WDR37: variants seen among roughly 807,000 people sequenced by gnomAD.
The protein encoded by WDR37 is WD repeat domain 37.
In WDR37, 19 loss-of-function variants were observed where a neutral mutation model predicts 62.9. That is an observed-to-expected ratio of 0.30 (90% CI 0.21 to 0.44). The LOEUF (loss-of-function observed/expected upper bound fraction) is 0.44. Among genes scored for constraint, WDR37 ranks in the 20% least tolerant of loss-of-function variants. WDR37 has a pLI of 1.00. For synonymous variants in WDR37, 250 were observed against 260.9 expected (o/e 0.96, Z 0.40); for missense variants, 474 against 657.6 (o/e 0.72, Z 3.05).
chr10:1,061,959 C>G (rs1337882990), intron 1 of WDR37, among the ~76,000 whole-genome samples: 1 of 151,820 alleles, frequency 6.6e-6, no homozygotes, highest in Non-Finnish European at 1.5e-5. Context: ...TGCGGATATT[C>G]CAAAATCTGA....
At chr10:1,102,047 C>T (rs1834827973) in intron 9 of WDR37, among the ~76,000 whole-genome samples, 2 of 151,674 alleles carry the variant, frequency 1.3e-5, no homozygotes, top group African/African-American at 4.8e-5. Context: ...GACGTGCGTT[C>T]CCTTGCTGCT....
intron 13 of WDR37, among the ~76,000 whole-genome samples, chr10:1,126,262 C>A (rs549253200): frequency 2.6e-5 from 4 of 151,954 alleles, no homozygotes; most frequent in South Asian, 2.1e-4. Context: ...AAAAATCAGC[C>A]AGGCGTGGTG....
chr10:1,096,245 G>A lies in WDR37; in HGVS notation c.725G>A (p.Ser242Asn), dbSNP rs375483941. Reference protein sequence around the residue: ...LPTPQPVADTSISGEDEVECS... With the variant: ...LPTPQPVADTNISGEDEVECS... ...ACACCCCAGCCTGTTGCTGACACTA[G>A]TGTAAGCACCTTTCCTTACCTGTGA... is the stretch of plus-strand genomic sequence containing the variant. The change falls in exon 9 of 14, where the codon AGT becomes AAT. Residue 242 changes from serine (S) to asparagine (N), a missense_variant and splice_region_variant. Coordinates refer to ENST00000263150, the MANE Select transcript of WDR37 (RefSeq NM_014023.4). The A allele has an allele frequency of 1.9e-6, 3 of 1,614,134 alleles. No homozygotes were observed. Among genetic ancestry groups the A allele is most frequent in the Non-Finnish European group, 2.5e-6 (3 of 1,180,014 alleles).
intron 8 of WDR37, among the ~76,000 whole-genome samples, chr10:1,094,764 A>C (rs564225042): frequency 4.0e-5 from 6 of 151,354 alleles, no homozygotes; most frequent in Non-Finnish European, 7.4e-5. Flanking sequence ...GAGTTAGACT[A>C]GGAAACATGA....
At chr10:1,065,599 GCTA>G (rs2131606532) in intron 1 of WDR37, among the ~76,000 whole-genome samples, 1 of 151,240 alleles carries the variant, frequency 6.6e-6, no homozygotes, top group South Asian at 2.1e-4. Context: ...AAAAAAAAAA[GCTA>G]CTAGGAAAAA....
intron 9 of WDR37, among the ~76,000 whole-genome samples, chr10:1,097,313 C>G (rs922714754): frequency 6.6e-6 from 1 of 152,136 alleles, no homozygotes; most frequent in Admixed American, 6.5e-5. Flanking sequence ...AAGCACCCAC[C>G]GCAGCAGGAT....
intron 7 of WDR37, among the ~76,000 whole-genome samples, chr10:1,089,694 G>A (rs61831020): frequency 4.3e-5 from 2 of 47,018 alleles, no homozygotes; most frequent in East Asian, 5.5e-4. Context: ...CCCGCAGTTC[G>A]GCCTTCCCGT....
chr10:1,095,294 T>C (rs570741027), intron 8 of WDR37, among the ~76,000 whole-genome samples: 39 of 134,460 alleles, frequency 2.9e-4, no homozygotes, highest in African/African-American at 9.8e-4. Flanking sequence ...GTAATGGGCA[T>C]AGAGAGGAGA....
chr10:1,064,116 AAAAG>A (rs765233710), intron 1 of WDR37, among the ~76,000 whole-genome samples: 9 of 152,266 alleles, frequency 5.9e-5, no homozygotes, highest in Non-Finnish European at 1.0e-4. Flanking sequence ...CAGGATGTAA[AAAAG>A]AAACACAAAA....
At position 1,084,338 on chromosome 10, in the gene WDR37, C is replaced by A. The variant is rs946012700; in HGVS notation, c.397-65C>A. On this transcript the variant is annotated intron_variant, in intron 5 of 13. Coordinates refer to ENST00000263150, the MANE Select transcript of WDR37 (RefSeq NM_014023.4). ...TTCCAAGACGTCTTTTTCGTTTTCT[C>A]TTTCTTGACTTAGAAAAATTTACTT... 2.5e-6 allele frequency: 4 copies of A among 1,577,874 alleles called. No individual in the cohort carries two copies. The African/African-American group carries it at 5.4e-5, about 21-fold the overall frequency.
chr10:1,117,166 C>T (rs1835427984), intron 11 of WDR37, among the ~76,000 whole-genome samples: 1 of 152,142 alleles, frequency 6.6e-6, no homozygotes, highest in African/African-American at 2.4e-5. Flanking sequence ...GTGATCCTCC[C>T]ACCTCACCCT....
intron 5 of WDR37, among the ~76,000 whole-genome samples, chr10:1,081,229 G>C (rs1834018732): frequency 6.6e-6 from 1 of 152,172 alleles, no homozygotes; most frequent in Non-Finnish European, 1.5e-5. Flanking sequence ...TTTTCTTAAA[G>C]TATCTCGTGC....
intron 7 of WDR37, among the ~76,000 whole-genome samples, chr10:1,087,037 G>A (rs1466456551): frequency 6.6e-6 from 1 of 152,216 alleles, no homozygotes; most frequent in Admixed American, 6.5e-5. Flanking sequence ...TGTGGGTGGG[G>A]CCCGTGGCTC....
At chr10:1,080,542 T>G in intron 5 of WDR37, 66 bp downstream of exon 5, 1 of 1,541,680 alleles carries the variant, frequency 6.5e-7, no homozygotes. Flanking sequence ...GTACTTTAAG[T>G]TGTTTATTTT....
At chr10:1,128,185 T>C (rs1418502267) in intron 13 of WDR37, among the ~76,000 whole-genome samples, 1 of 152,260 alleles carries the variant, frequency 6.6e-6, no homozygotes, top group African/African-American at 2.4e-5. Flanking sequence ...TGGGGGAATA[T>C]TTTCAGGAGA....
intron 5 of WDR37, among the ~76,000 whole-genome samples, chr10:1,082,946 C>T (rs1016782812): frequency 1.3e-5 from 2 of 152,038 alleles, no homozygotes; most frequent in African/African-American, 2.4e-5. Flanking sequence ...ATGAAATTTA[C>T]GACAATACTG....
intron 12 of WDR37, 135 bp from the exon 13 acceptor site, chr10:1,124,775 T>TATTCA: frequency 1.7e-6 from 2 of 1,151,362 alleles, no homozygotes; most frequent in South Asian, 3.1e-5. Flanking sequence ...CGTAAGCAGG[T>TATTCA]GGTACACGCA....
chr10:1,086,507 GA>G (rs1165636527), intron 7 of WDR37, 150 bp downstream of exon 7: 1 of 608,206 alleles, frequency 1.6e-6, no homozygotes, highest in Non-Finnish European at 2.9e-6. Context: ...CAGAGACTGG[GA>G]TAACTCTGTC....
intron 2 of WDR37, chr10:1,074,393 C>A: frequency 7.7e-7 from 1 of 1,297,302 alleles, no homozygotes; most frequent in East Asian, 5.6e-5. Flanking sequence ...GGTCTCCAAG[C>A]CGCACGGCCT....
Sources: allele counts gnomAD v4.1 joint callset (sites outside exome capture counted in the v4.1 genomes callset), GRCh38; gene constraint gnomAD v4.1.1; transcripts MANE v1.5; gene names NCBI Gene and HGNC (gene_info 2026-07-23, HGNC 2026-07-21).